CNKSR2: variants seen among roughly 807,000 people sequenced by gnomAD.
CNKSR2 encodes CNK homolog protein 2.
A neutral mutation model predicts 84.4 loss-of-function variants in CNKSR2; 14 were observed. The observed-to-expected ratio is 0.17, with a 90% CI of 0.11 to 0.26. The LOEUF (loss-of-function observed/expected upper bound fraction) is 0.26. Among genes scored for constraint, CNKSR2 ranks in the 10% least tolerant of loss-of-function variants. The pLI is 1.00. For missense variants in CNKSR2, 485 were observed against 771.2 expected (o/e 0.63, Z 4.40); for synonymous variants, 275 against 277.9 (o/e 0.99, Z 0.10).
chrX:21,495,064 T>TA (rs2091479488), intron 6 of CNKSR2: 3 of 112,428 alleles, frequency 2.7e-5, no homozygotes, highest in Non-Finnish European at 5.6e-5. Context: ...TTAGAACAGA[T>TA]ATTAAAAAGT....
intron 9 of CNKSR2, among the ~76,000 whole-genome samples, chrX:21,519,086 G>T (rs2091756930): frequency 9.0e-6 from 1 of 110,959 alleles, no homozygotes; most frequent in Non-Finnish European, 1.9e-5. Flanking sequence ...GCTAAAACAA[G>T]GTCTTAGGAG....
chrX:21,442,002 T>C (rs2090790433), intron 4 of CNKSR2, among the ~76,000 whole-genome samples: 1 of 111,667 alleles, frequency 9.0e-6, no homozygotes, highest in South Asian at 3.7e-4. Context: ...GTGGTGCTAC[T>C]ATGAAGTAAA....
intron 13 of CNKSR2, among the ~76,000 whole-genome samples, chrX:21,586,406 A>G (rs1410723173): frequency 9.0e-6 from 1 of 111,553 alleles, no homozygotes; most frequent in Non-Finnish European, 1.9e-5. Context: ...CTTGGATTTC[A>G]TGGATGGAAC....
intron 11 of CNKSR2, among the ~76,000 whole-genome samples, chrX:21,554,427 C>T (rs2092120175): frequency 9.0e-6 from 1 of 110,902 alleles, no homozygotes; most frequent in African/African-American, 3.3e-5. Flanking sequence ...TTATTTTATC[C>T]TCAGGTGTTT....
chrX:21,508,611 A>G (rs1433337478), intron 8 of CNKSR2, among the ~76,000 whole-genome samples: 2 of 112,135 alleles, frequency 1.8e-5, no homozygotes, highest in African/African-American at 6.5e-5. Flanking sequence ...AACCTCCGAA[A>G]TAAACCTTAA....
At chrX:21,474,301 C>CA (rs1452870551) in intron 5 of CNKSR2, among the ~76,000 whole-genome samples, 3 of 111,195 alleles carry the variant, frequency 2.7e-5, no homozygotes, top group Non-Finnish European at 5.7e-5. Flanking sequence ...CAACAAGGCT[C>CA]GAATGCAGAT....
At position 21,374,688 on chromosome X, in the gene CNKSR2, C is replaced by T. The variant is rs780422229; in HGVS notation, c.-210C>T. Reference sequence around the variant, plus strand: ...GCAGACCCGGCGCGGAGCCACGACTCCTGCACGTTTACCTCCCTGTCGCCG... The same window carrying T: ...GCAGACCCGGCGCGGAGCCACGACTTCTGCACGTTTACCTCCCTGTCGCCG... On this transcript the variant is annotated 5_prime_UTR_variant, in exon 1 of 22. Coordinates refer to ENST00000379510, the MANE Select transcript of CNKSR2 (RefSeq NM_014927.5). The T allele has an allele frequency of 1.2e-5, 6 of 510,586 alleles. No homozygotes were observed. The East Asian group carries it at 2.2e-4, about 19-fold the overall frequency. The allele number at this position is 510,586 out of a possible 1,213,427, so 42.1% of individuals were successfully genotyped here.
intron 4 of CNKSR2, among the ~76,000 whole-genome samples, chrX:21,442,782 G>T (rs2090801230): frequency 1.8e-5 from 2 of 111,691 alleles, no homozygotes; most frequent in Non-Finnish European, 3.8e-5. Context: ...ACTAGATTAA[G>T]AAAATGTATA....
At chrX:21,546,652 GA>G (rs1202326820) in intron 11 of CNKSR2, among the ~76,000 whole-genome samples, 2 of 110,876 alleles carry the variant, frequency 1.8e-5, no homozygotes, top group African/African-American at 6.6e-5. Context: ...TGAAATGAAG[GA>G]AAAAAAGGTT....
intron 13 of CNKSR2, among the ~76,000 whole-genome samples, chrX:21,578,449 C>G (rs1201175151): frequency 1.8e-5 from 2 of 109,387 alleles, no homozygotes; most frequent in African/African-American, 6.7e-5. Context: ...ATATATATAG[C>G]TATATAGGTC....
At chrX:21,596,909 A>C (rs1259966737) in intron 17 of CNKSR2, among the ~76,000 whole-genome samples, 5 of 111,467 alleles carry the variant, frequency 4.5e-5, no homozygotes, top group African/African-American at 1.6e-4. Flanking sequence ...GGAGAAGGAG[A>C]GGTGTGATAC....
At chrX:21,516,755 T>G in intron 9 of CNKSR2, 124 bp downstream of exon 9, 2 of 607,575 alleles carry the variant, frequency 3.3e-6, no homozygotes, top group Non-Finnish European at 5.0e-6. Flanking sequence ...TGAAAAGTTG[T>G]TTGTGAAATG....
At chrX:21,379,020 C>T (rs1244521350) in intron 1 of CNKSR2, among the ~76,000 whole-genome samples, 3 of 112,158 alleles carry the variant, frequency 2.7e-5, no homozygotes, top group African/African-American at 9.7e-5. Context: ...ATGACTCAGC[C>T]ATCTTGAGGA....
intron 1 of CNKSR2, among the ~76,000 whole-genome samples, chrX:21,391,753 C>T (rs2090054185): frequency 8.9e-6 from 1 of 112,388 alleles, no homozygotes; most frequent in South Asian, 3.7e-4. Flanking sequence ...TCTTGAATTC[C>T]TTCCCAGAAA....
At chrX:21,403,610 C>T (rs898911063) in intron 1 of CNKSR2, among the ~76,000 whole-genome samples, 1 of 111,583 alleles carries the variant, frequency 9.0e-6, no homozygotes, top group African/African-American at 3.3e-5. Context: ...AAAGATCTTA[C>T]ATAAAATTTA....
At chrX:21,637,406 A>G (rs940458564) in intron 20 of CNKSR2, 3 of 111,937 alleles carry the variant, frequency 2.7e-5, no homozygotes, top group Admixed American at 9.5e-5. Context: ...AAAGAACTCC[A>G]TAAGTGCTGT....
chrX:21,530,327 ATGT>A (rs1327663627), intron 10 of CNKSR2, among the ~76,000 whole-genome samples: 4 of 111,310 alleles, frequency 3.6e-5, no homozygotes, highest in Non-Finnish European at 7.6e-5. Flanking sequence ...AGTCTGGAGA[ATGT>A]TGTTTACTAC....
chrX:21,546,570 A>G (rs2092027733), intron 11 of CNKSR2, among the ~76,000 whole-genome samples: 1 of 110,995 alleles, frequency 9.0e-6, no homozygotes, highest in South Asian at 3.8e-4. Context: ...TTCAGGAAAT[A>G]CGGAGAAAAC....
At chrX:21,518,437 C>T (rs182449441) in intron 9 of CNKSR2, among the ~76,000 whole-genome samples, 156 of 111,608 alleles carry the variant, frequency 1.4e-3, no homozygotes, top group Non-Finnish European at 2.7e-3. Context: ...TCCATGCACT[C>T]GGTTTGAGGG....
Sources: allele counts gnomAD v4.1 joint callset (sites outside exome capture counted in the v4.1 genomes callset), GRCh38; gene constraint gnomAD v4.1.1; transcripts MANE v1.5; gene names NCBI Gene and HGNC (gene_info 2026-07-23, HGNC 2026-07-21).